Variants in SLC7A3 observed in about 807,000 individuals in gnomAD.
The protein encoded by SLC7A3 is cationic amino acid transporter 3.
In SLC7A3, 3 loss-of-function variants were observed where a neutral mutation model predicts 33.2. The observed-to-expected ratio is 0.09, with a 90% CI of 0.04 to 0.23. SLC7A3 has a LOEUF of 0.23. Among genes scored for constraint, SLC7A3 ranks in the 10% least tolerant of loss-of-function variants. SLC7A3 has a pLI of 1.00. For synonymous variants in SLC7A3, 193 were observed against 195.1 expected (o/e 0.99, Z 0.09); for missense variants, 360 against 488.8 (o/e 0.74, Z 2.48).
intron 6 of SLC7A3, 47 bp downstream of exon 6, chrX:70,927,751 T>C: frequency 2.6e-6 from 3 of 1,158,667 alleles, no homozygotes; most frequent in Non-Finnish European, 3.5e-6. Context: ...CTGAATGCTA[T>C]AACCTGAGAC....
intron 1 of SLC7A3, among the ~76,000 whole-genome samples, chrX:70,930,647 C>T (rs1373846529): frequency 1.6e-4 from 18 of 112,429 alleles, no homozygotes; most frequent in Admixed American, 1.1e-3. Flanking sequence ...GCATCAACAG[C>T]GAGGCGGGGC....
Position 70,925,955 on chromosome X carries a change from A to G in SLC7A3, c.1730-12T>C. Reference sequence around the variant, plus strand: ...GTAGATAGCAAAGCCTAGTGGGGAAAGGTAGCTGTGAGGTGGGGGTGTAAA... The same window carrying G: ...GTAGATAGCAAAGCCTAGTGGGGAAGGGTAGCTGTGAGGTGGGGGTGTAAA... On this transcript the variant is annotated splice_polypyrimidine_tract_variant and intron_variant, in intron 11 of 11. Transcript: ENST00000374299. The G allele has an allele frequency of 8.3e-7, 1 of 1,211,368 alleles. No individual in the cohort carries two copies. Among genetic ancestry groups the G allele is most frequent in the Non-Finnish European group, 1.1e-6 (1 of 895,357 alleles).
chrX:70,928,312 C>A (rs1334341292), intron 4 of SLC7A3, 55 bp from the exon 5 acceptor site: 2 of 1,130,936 alleles, frequency 1.8e-6, no homozygotes, highest in Non-Finnish European at 2.4e-6. Flanking sequence ...AACTCTGTAT[C>A]TTTTCTCTAA....
rs1001329802 is a variant in SLC7A3 at position 70,927,033 on chromosome X, G to T, written c.1295C>A (p.Pro432His). 3 of 1,202,834 alleles carry T rather than the reference G, an allele frequency of 2.5e-6. No homozygotes were observed. Among genetic ancestry groups the T allele is most frequent in the Middle Eastern group, 4.7e-4 (2 of 4,284 alleles). Residue 432 changes from proline to histidine, a missense_variant, in exon 9 of 12, where the codon CCT (proline) becomes CAT (histidine). Pro to His is a moderately conservative substitution (Grantham distance 77, BLOSUM62 -2). Transcript: ENST00000374299. ...SICVLILRYQ[P>H]DQETKTGEEV... is the part of the protein sequence containing the mutation. ...TTCCCCAGTCTTTGTCTCCTGATCA[G>T]GTTGATACCTGAGGCAAAAGTAAGA... is the stretch of plus-strand genomic sequence containing the variant.
chrX:70,925,747 T>A lies in SLC7A3; in HGVS notation c.*66A>T. 8.5e-7 allele frequency: 1 copy of A among 1,171,144 alleles called. No homozygotes were observed. The highest frequency in any genetic ancestry group is 1.2e-6 in the Non-Finnish European group (1 of 862,300). On this transcript the variant is annotated 3_prime_UTR_variant, in exon 12 of 12. Transcript: ENST00000374299. The stretch of plus-strand genomic sequence containing the variant: ...CACCATCACAGGGGAGGGCTAGCTG[T>A]CACTGGGGTCAGGAGTACTCTCCAT...
chrX:70,928,039 G>T lies in SLC7A3; in HGVS notation c.821-19C>A. The T allele has an allele frequency of 2.5e-6, 3 of 1,204,315 alleles. No homozygotes were observed. Among genetic ancestry groups the T allele is most frequent in the Non-Finnish European group, 3.4e-6 (3 of 889,529 alleles). On this transcript the variant is annotated intron_variant, in intron 5 of 11. Coordinates refer to ENST00000374299, the MANE Select transcript of SLC7A3 (RefSeq NM_032803.6). ...TCTTCTCCTGAAGGAAGGGCGTAAG[G>T]TTCTAAATTAGGGAAGCAGGCCCAC...
Position 70,925,834 on chromosome X carries a change from A to G in SLC7A3, c.1839T>C (p.Thr613=). The change falls in exon 12 of 12, where the codon ACT becomes ACC. Residue 613 remains threonine, a synonymous_variant. Coordinates refer to ENST00000374299, the MANE Select transcript of SLC7A3 (RefSeq NM_032803.6). The stretch of plus-strand genomic sequence containing the variant: ...GATGTCAAACTGAGTGGACATAGAG[A>G]GTGCCGGGATCAAGGTCTACAGTTT... ...RAKTVDLDPG[T]LYVHSV 8.3e-7 allele frequency: 1 copy of G among 1,211,385 alleles called. No individual in the cohort carries two copies. The highest frequency in any genetic ancestry group is 1.1e-6 in the Non-Finnish European group (1 of 895,444).
chrX:70,928,774 T>G, intron 3 of SLC7A3, 70 bp downstream of exon 3: 1 of 1,119,723 alleles, frequency 8.9e-7, no homozygotes, highest in Non-Finnish European at 1.2e-6. Flanking sequence ...TCCCCCATCC[T>G]TATCCCTGGC....
rs767053306 is a variant in SLC7A3, at chrX:70,928,649, A to G, written c.530-16T>C. The stretch of plus-strand genomic sequence containing the variant: ...GCCAACAATCCTGTGGGAGAAATGC[A>G]TTCAGGACTCCCAGAAAGTCTTCAG... On this transcript the variant is annotated splice_polypyrimidine_tract_variant and intron_variant, in intron 3 of 11. Coordinates refer to ENST00000374299, the MANE Select transcript of SLC7A3 (RefSeq NM_032803.6). 49 of 1,183,009 alleles carry G rather than the reference A, an allele frequency of 4.1e-5. No homozygotes were observed. The highest frequency in any genetic ancestry group is 5.4e-5 in the Non-Finnish European group (48 of 881,249).
chrX:70,927,419 A>T, intron 7 of SLC7A3, 35 bp from the exon 8 acceptor site: 2 of 1,208,853 alleles, frequency 1.7e-6, no homozygotes, highest in Non-Finnish European at 2.2e-6. Context: ...GAAATGAGAG[A>T]AGGGAGTGGC....
In SLC7A3 at chrX:70,928,980, G is replaced by T; in HGVS notation, c.393C>A (p.Ala131=). ...TCAGGTTGTCAAAAGCAGAGCTCCAGGCCCGGGCCACACTGGCTGTACCTG... is the reference window on the plus strand; with the variant it reads ...TCAGGTTGTCAAAAGCAGAGCTCCATGCCCGGGCCACACTGGCTGTACCTG... ...YVIGTASVAR[A]WSSAFDNLIG... The change falls in exon 3 of 12, where the codon GCC becomes GCA. Residue 131 remains alanine, a synonymous_variant. Coordinates refer to ENST00000374299, the MANE Select transcript of SLC7A3 (RefSeq NM_032803.6). 1.7e-6 allele frequency: 2 copies of T among 1,211,941 alleles called. No homozygotes were observed. The highest frequency in any genetic ancestry group is 3.5e-5 in the South Asian group (2 of 57,001).
intron 4 of SLC7A3, 93 bp downstream of exon 4, chrX:70,928,363 A>AT (rs2091902100): frequency 9.1e-7 from 1 of 1,103,377 alleles, no homozygotes; most frequent in Middle Eastern, 2.5e-4. Flanking sequence ...CCAGCCTCCC[A>AT]TTTTTTCCCA....
In SLC7A3 at chrX:70,929,028, T is replaced by G. The variant is rs778712295; in HGVS notation, c.371-26A>C. 4 of 1,201,125 alleles carry G rather than the reference T, an allele frequency of 3.3e-6. No individual in the cohort carries two copies. In the African/African-American group the frequency reaches 7.0e-5, roughly 21 times the overall value. On this transcript the variant is annotated intron_variant, in intron 2 of 11. Coordinates refer to ENST00000374299, the MANE Select transcript of SLC7A3 (RefSeq NM_032803.6). The stretch of plus-strand genomic sequence containing the variant: ...CTGGTGTAGCAGAGAGAGAAACATG[T>G]GGCCAAGTTCCCTTCTTCCCAGACC...
chrX:70,928,620 G>A lies in SLC7A3; in HGVS notation c.543C>T (p.Leu181=), dbSNP rs914366791. ...LVLLLTGLLA[L]GASESALVTK... is the part of the protein sequence containing the mutation. ...TAACCAGGGCCGACTCACTAGCCCC[G>A]AGAGCCAACAATCCTGTGGGAGAAA... The change falls in exon 4 of 12, where the codon CTC becomes CTT. Residue 181 remains leucine (L), a synonymous_variant. Transcript: ENST00000374299. 11 of 1,199,792 alleles carry A rather than the reference G, an allele frequency of 9.2e-6. No homozygotes were observed. In the African/African-American group the frequency reaches 1.1e-4, roughly 12 times the overall value.
chrX:70,928,270 A>T lies in SLC7A3; in HGVS notation c.708-13T>A. ...CAGAGGACCCAAGCTAGAGTGGAAG[A>T]AGGGTTGGAGAAGGTAAGGGTGTGT... On this transcript the variant is annotated splice_polypyrimidine_tract_variant and intron_variant, in intron 4 of 11. Transcript: ENST00000374299. 8.4e-7 allele frequency: 1 copy of T among 1,193,338 alleles called. No homozygotes were observed. The highest frequency in any genetic ancestry group is 1.1e-6 in the Non-Finnish European group (1 of 879,439).
In SLC7A3 at chrX:70,929,604, C is replaced by T. The variant is rs367702542; in HGVS notation, c.370+24G>A. 5.2e-4 allele frequency: 622 copies of T among 1,188,027 alleles called. 1 individual carries two copies. Among genetic ancestry groups the T allele is most frequent in the Non-Finnish European group, 6.8e-4 (601 of 884,084 alleles). ...AACCCCTTTGCTGGCTGTGCAGTTC[C>T]CTCCCTCCCCCACCATATCTCACCA... On this transcript the variant is annotated intron_variant, in intron 2 of 11. Coordinates refer to ENST00000374299, the MANE Select transcript of SLC7A3 (RefSeq NM_032803.6).
chrX:70,926,780 C>T, intron 9 of SLC7A3, 87 bp from the exon 10 acceptor site: 2 of 1,159,264 alleles, frequency 1.7e-6, no homozygotes, highest in South Asian at 2.0e-5. Flanking sequence ...AGGAGAGTCG[C>T]TCTCTCTCTA....
At chrX:70,929,513 C>T (rs750256899) in intron 2 of SLC7A3, 115 bp downstream of exon 2, 4 of 935,707 alleles carry the variant, frequency 4.3e-6, no homozygotes, top group East Asian at 7.4e-5. Context: ...CAAACCCGCA[C>T]ATTTAGGGAG....
intron 1 of SLC7A3, 100 bp from the exon 2 acceptor site, chrX:70,930,122 G>A: frequency 3.5e-6 from 3 of 851,191 alleles, no homozygotes; most frequent in Middle Eastern, 4.2e-4. Context: ...GGAGCTATTG[G>A]GAAATGAGGA....
Sources: allele counts gnomAD v4.1 joint callset (sites outside exome capture counted in the v4.1 genomes callset), GRCh38; gene constraint gnomAD v4.1.1; transcripts MANE v1.5; gene names NCBI Gene and HGNC (gene_info 2026-07-23, HGNC 2026-07-21).